The following KIAA0319L variants were observed in gnomAD, a reference collection of about 807,000 sequenced individuals.
The protein encoded by KIAA0319L is KIAA0319 like.
Under a neutral mutation model 120.1 loss-of-function variants are expected in KIAA0319L, and 55 were observed. The ratio of observed to expected loss-of-function variants is 0.46; its 90% CI spans 0.37 to 0.57. KIAA0319L has a LOEUF of 0.57. Ranked by LOEUF, KIAA0319L falls within the 20% of genes least tolerant of loss-of-function variation. The pLI is 0.00. For missense variants in KIAA0319L, 1,049 were observed against 1,255.3 expected (o/e 0.84, Z 2.48); for synonymous variants, 398 against 471.9 (o/e 0.84, Z 2.03).
intron 3 of KIAA0319L, among the ~76,000 whole-genome samples, chr1:35,480,582 G>C (rs974217879): frequency 6.6e-6 from 1 of 152,112 alleles, no homozygotes; most frequent in Non-Finnish European, 1.5e-5. Context: ...AGGAGTTTGA[G>C]ACCAGCCTGA....
intron 2 of KIAA0319L, among the ~76,000 whole-genome samples, chr1:35,521,835 T>C (rs1277121007): frequency 6.6e-6 from 1 of 151,050 alleles, no homozygotes; most frequent in African/African-American, 2.4e-5. Flanking sequence ...TAGCCGGTCA[T>C]GGTGGCGGGC....
In KIAA0319L at chr1:35,504,074, C is replaced by A. The variant is rs142777725; in HGVS notation, c.666+2538G>T. On this transcript the variant is annotated intron_variant, in intron 3 of 20. Coordinates refer to ENST00000325722, the MANE Select transcript of KIAA0319L (RefSeq NM_024874.5). ...CTAATTTTTGTATTTTTAGTAGAGG[C>A]GGGGTTTCACCATGTTGGCCAGGCT... Among the ~76,000 whole-genome samples, 963 of 151,652 alleles carry A rather than the reference C, an allele frequency of 6.4e-3. 12 individuals are homozygous for A. The highest frequency in any genetic ancestry group is 0.022 in the African/African-American group (917 of 41,404).
chr1:35,442,565 T>C (rs567517800), intron 18 of KIAA0319L, among the ~76,000 whole-genome samples: 22 of 152,280 alleles, frequency 1.4e-4, no homozygotes, highest in African/African-American at 5.3e-4. Context: ...GCAGCAGTGG[T>C]GCAGGCTGAA....
chr1:35,455,573 ATT>A (rs551358599), intron 10 of KIAA0319L, among the ~76,000 whole-genome samples: 5,441 of 93,452 alleles, frequency 0.058, 238 homozygotes, highest in East Asian at 0.26. Context: ...ATTTAAGATA[ATT>A]TTTTTTTTTT....
rs575929253 is a variant in KIAA0319L, at chr1:35,503,124, C to A, written c.666+3488G>T. Among the ~76,000 whole-genome samples, 4 of 152,176 alleles carry A rather than the reference C, an allele frequency of 2.6e-5. No homozygotes were observed. The East Asian group carries it at 7.7e-4, about 29-fold the overall frequency. Reference sequence around the variant, plus strand: ...ACCTCTGATTTTCCTGTCTATTACCCACTCCCCCCAATCCCATCTACCTCT... The same window carrying A: ...ACCTCTGATTTTCCTGTCTATTACCAACTCCCCCCAATCCCATCTACCTCT... On this transcript the variant is annotated intron_variant, in intron 3 of 20. Coordinates refer to ENST00000325722, the MANE Select transcript of KIAA0319L (RefSeq NM_024874.5).
At chr1:35,436,864 A>G (rs771604696) in intron 20 of KIAA0319L, among the ~76,000 whole-genome samples, 2 of 151,846 alleles carry the variant, frequency 1.3e-5, no homozygotes, top group African/African-American at 2.4e-5. Context: ...TTTCCCCCCA[A>G]CGGACCCACT....
At position 35,449,759 on chromosome 1, in the gene KIAA0319L, G is replaced by A; in HGVS notation, c.2353+108C>T. 4.9e-6 allele frequency: 6 copies of A among 1,214,680 alleles called. No individual in the cohort carries two copies. In the South Asian group the frequency reaches 6.8e-5, roughly 14 times the overall value. 75.2% of individuals were successfully genotyped at this position (1,214,680 alleles called of 1,614,324 possible). ...GGGTTTCTCGATTATTTTTAAAGCT[G>A]GACATGCCATCTGGCTCTGTCCATG... On this transcript the variant is annotated intron_variant, in intron 15 of 20. Transcript: ENST00000325722.
chr1:35,456,053 G>A lies in KIAA0319L; in HGVS notation c.1616C>T (p.Ser539Leu). 1 of 1,613,932 alleles carries A rather than the reference G, an allele frequency of 6.2e-7. No homozygotes were observed. Among genetic ancestry groups the A allele is most frequent in the African/African-American group, 1.3e-5 (1 of 75,022 alleles). The change falls in exon 10 of 21, where the codon TCA becomes TTA. Residue 539 changes from serine (S) to leucine (L), a missense_variant. By Grantham distance (145) the Ser-to-Leu change is moderately radical. Transcript: ENST00000325722. Reference protein sequence around the residue: ...DDHGITSYEWSLSPSSKGKVV... With the variant: ...DDHGITSYEWLLSPSSKGKVV... ...TTTCCCTTTGCTGCTTGGGCTGAGT[G>A]ACCACTCATAGCTGGTGATGCCATG... is the stretch of plus-strand genomic sequence containing the variant.
At chr1:35,531,921 G>A (rs58153765) in intron 2 of KIAA0319L, among the ~76,000 whole-genome samples, 2,368 of 152,168 alleles carry the variant, frequency 0.016, 67 homozygotes, top group African/African-American at 0.054. Flanking sequence ...GGAGGTTAGC[G>A]GGCTATAGTG....
intron 2 of KIAA0319L, among the ~76,000 whole-genome samples, chr1:35,526,172 T>C (rs755642142): frequency 2.6e-5 from 4 of 151,692 alleles, no homozygotes; most frequent in Non-Finnish European, 5.9e-5. Flanking sequence ...TTCTGAGTTC[T>C]CTGTTCTGTC....
intron 17 of KIAA0319L, among the ~76,000 whole-genome samples, chr1:35,443,653 A>G (rs1024542475): frequency 6.6e-6 from 1 of 152,012 alleles, no homozygotes; most frequent in African/African-American, 2.4e-5. Flanking sequence ...AGCCTGGGCA[A>G]CAGAGCAAGA....
At position 35,484,784 on chromosome 1, in the gene KIAA0319L, ATATATATATATATATATATATATT is replaced by A. The variant is rs1487100394; in HGVS notation, c.667-5596_667-5573del. ...TTTTTAATCATATATATATATATAT[ATATATATATATATATATATATATT>A]TTTTTTTTTATTATACTCTAAGTTT... On this transcript the variant is annotated intron_variant, in intron 3 of 20. Coordinates refer to ENST00000325722, the MANE Select transcript of KIAA0319L (RefSeq NM_024874.5). Among the ~76,000 whole-genome samples the A allele has an allele frequency of 1.9e-4, 11 of 56,646 alleles. 1 individual carries two copies. In the East Asian group the frequency reaches 6.6e-3, roughly 34 times the overall value. 37.2% of individuals were successfully genotyped at this position (56,646 alleles called of 152,430 possible).
In KIAA0319L at chr1:35,434,799, C is replaced by T; in HGVS notation, c.*95G>A. Reference sequence around the variant, plus strand: ...GGGACTGTCAGGGCGAAATGACCAGCAGATGCTGGGACAGCAGCTGCCCGC... The same window carrying T: ...GGGACTGTCAGGGCGAAATGACCAGTAGATGCTGGGACAGCAGCTGCCCGC... On this transcript the variant is annotated 3_prime_UTR_variant, in exon 21 of 21. Coordinates refer to ENST00000325722, the MANE Select transcript of KIAA0319L (RefSeq NM_024874.5). 9.0e-7 allele frequency: 1 copy of T among 1,106,846 alleles called. No homozygotes were observed. The highest frequency in any genetic ancestry group is 2.5e-5 in the East Asian group (1 of 40,040). The allele number at this position is 1,106,846 out of a possible 1,614,324, so 68.6% of individuals were successfully genotyped here. A position where few individuals can be genotyped will look rare whatever the true frequency, so the allele number is the denominator to read the frequency against.
chr1:35,489,272 CAAG>C (rs1405441426), intron 3 of KIAA0319L, among the ~76,000 whole-genome samples: 2 of 151,800 alleles, frequency 1.3e-5, no homozygotes, highest in Admixed American at 6.6e-5. Flanking sequence ...GAAGTAACAG[CAAG>C]AAGATTTATC....
chr1:35,501,181 T>A (rs986512467), intron 3 of KIAA0319L, among the ~76,000 whole-genome samples: 1 of 152,054 alleles, frequency 6.6e-6, no homozygotes, highest in Non-Finnish European at 1.5e-5. Flanking sequence ...AAGAAAGAAT[T>A]CTCTATAGCC....
rs879779377 is a variant in KIAA0319L, at chr1:35,530,200, CT to C, written c.143-23066del. ...ACAGGCATGCACCACCATGCCCGGC[CT>C]TTTTTTTTTTTTTGTAAAGTCAGGG... On this transcript the variant is annotated intron_variant, in intron 2 of 20. Coordinates refer to ENST00000325722, the MANE Select transcript of KIAA0319L (RefSeq NM_024874.5). Among the ~76,000 whole-genome samples, 198 of 141,080 alleles carry C rather than the reference CT, an allele frequency of 1.4e-3. 2 individuals are homozygous for C. Among genetic ancestry groups the C allele is most frequent in the South Asian group, 2.3e-3 (10 of 4,390 alleles). 92.6% of individuals were successfully genotyped at this position (141,080 alleles called of 152,430 possible). A position where few individuals can be genotyped will look rare whatever the true frequency, so the allele number is the denominator to read the frequency against.
chr1:35,557,660 G>C (rs553722725), upstream of KIAA0319L: 2 of 457,332 alleles, frequency 4.4e-6, no homozygotes, highest in South Asian at 3.1e-5. Flanking sequence ...ATACCCACAA[G>C]CAAGATGGCG....
chr1:35,529,067 ATTG>A (rs1273984373), intron 2 of KIAA0319L, among the ~76,000 whole-genome samples: 1 of 151,946 alleles, frequency 6.6e-6, no homozygotes, highest in African/African-American at 2.4e-5. Flanking sequence ...ACAGTCTGTT[ATTG>A]TTGTTGTTAT....
chr1:35,454,250 G>C (rs2149094640), intron 11 of KIAA0319L, 112 bp downstream of exon 11: 1 of 1,078,304 alleles, frequency 9.3e-7, no homozygotes, highest in East Asian at 2.4e-5. Context: ...AGGCTCTATG[G>C]ATCGGTGCCT....
Sources: gnomAD v4.1 joint callset for allele counts (sites outside exome capture counted in the v4.1 genomes callset) on GRCh38, gnomAD v4.1.1 for gene constraint, MANE v1.5 for transcripts, NCBI Gene and HGNC (gene_info 2026-07-23, HGNC 2026-07-21) for gene names.